RAB36: variants seen among roughly 807,000 people sequenced by gnomAD.
RAB36 encodes RAB36, member RAS oncogene family.
In RAB36, 33 loss-of-function variants were observed where a neutral mutation model predicts 39.3. That is an observed-to-expected ratio of 0.84 (90% CI 0.64 to 1.12). The LOEUF is 1.12. Ranked by LOEUF, RAB36 falls within the 50% of genes most tolerant of loss-of-function variation. The pLI, the probability that RAB36 is intolerant of heterozygous loss-of-function variation, is 0.00. For missense variants in RAB36, 308 were observed against 355.3 expected (o/e 0.87, Z 1.07); for synonymous variants, 133 against 140.2 (o/e 0.95, Z 0.36).
downstream of RAB36, among the ~76,000 whole-genome samples, chr22:23,166,719 T>A (rs956765960): frequency 1.3e-5 from 2 of 151,970 alleles, no homozygotes; most frequent in African/African-American, 4.8e-5. Flanking sequence ...TCACACGATG[T>A]TGTTAACTGG....
chr22:23,164,615 C>G lies in RAB36; in HGVS notation c.*3051C>G, dbSNP rs372751112. Among the ~76,000 whole-genome samples the G allele has an allele frequency of 1.2e-4, 18 of 152,316 alleles. No homozygotes were observed. In the South Asian group the frequency reaches 3.5e-3, roughly 30 times the overall value. On this transcript the variant is annotated 3_prime_UTR_variant, in exon 11 of 11. Coordinates refer to ENST00000263116, the MANE Select transcript of RAB36 (RefSeq NM_004914.5). Reference sequence around the variant, plus strand: ...TAAGTTTCCTGGGCAGAGGCACTTTCTGTTGGTCTGGTCTTGTGGGCCCAG... The same window carrying G: ...TAAGTTTCCTGGGCAGAGGCACTTTGTGTTGGTCTGGTCTTGTGGGCCCAG...
chr22:23,145,523 C>T lies in RAB36; in HGVS notation c.-41C>T, dbSNP rs1315405313. On this transcript the variant is annotated 5_prime_UTR_variant, in exon 1 of 11. Transcript: ENST00000263116. ...GCTGGCTCAGGCGGACCAGGCCGCG[C>T]GGAGCCCCAGCTTTCACAGCCATCG... 5.6e-6 allele frequency: 9 copies of T among 1,603,754 alleles called. No individual in the cohort carries two copies. The Middle Eastern group carries it at 8.6e-4, about 154-fold the overall frequency.
downstream of RAB36, among the ~76,000 whole-genome samples, chr22:23,169,181 C>T (rs2072096980): frequency 6.6e-6 from 1 of 152,240 alleles, no homozygotes; most frequent in South Asian, 2.1e-4. Flanking sequence ...CTGGGACCAG[C>T]AGCTCCACAG....
At chr22:23,147,901 T>C (rs759665775) in intron 2 of RAB36, among the ~76,000 whole-genome samples, 1 of 152,130 alleles carries the variant, frequency 6.6e-6, no homozygotes, top group Non-Finnish European at 1.5e-5. Context: ...CAGTAGAGTG[T>C]GTGCAGCACA....
At chr22:23,159,497 C>T (rs1349181880) in intron 9 of RAB36, among the ~76,000 whole-genome samples, 1 of 152,250 alleles carries the variant, frequency 6.6e-6, no homozygotes, top group Non-Finnish European at 1.5e-5. Context: ...AATAGTGACC[C>T]CAACCCTGTG....
At chr22:23,153,591 C>T (rs558840261) in intron 5 of RAB36, 1 of 985,038 alleles carries the variant, frequency 1.0e-6, no homozygotes, top group South Asian at 4.7e-5. Context: ...AGATGGAGTA[C>T]ACAGCACCCA....
At chr22:23,160,559 ATAG>A (rs1439455347) in intron 9 of RAB36, among the ~76,000 whole-genome samples, 1 of 152,208 alleles carries the variant, frequency 6.6e-6, no homozygotes, top group Non-Finnish European at 1.5e-5. Context: ...CACTTGGGCC[ATAG>A]TAGCATCTGA....
chr22:23,154,055 C>T (rs1434852504), intron 5 of RAB36, among the ~76,000 whole-genome samples: 1 of 151,988 alleles, frequency 6.6e-6, no homozygotes, highest in Non-Finnish European at 1.5e-5. Flanking sequence ...CTGGCCTTAC[C>T]CCTTCCCTCT....
intron 2 of RAB36, among the ~76,000 whole-genome samples, chr22:23,149,627 TC>T (rs2070990459): frequency 6.6e-6 from 1 of 152,230 alleles, no homozygotes; most frequent in South Asian, 2.1e-4. Flanking sequence ...AGCCTCTGTC[TC>T]TTGAGCTGAA....
At chr22:23,160,725 G>C (rs1037339776) in intron 9 of RAB36, among the ~76,000 whole-genome samples, 154 bp from the exon 10 acceptor site, 7 of 152,134 alleles carry the variant, frequency 4.6e-5, no homozygotes, top group African/African-American at 1.7e-4. Context: ...GAGTGGGTGG[G>C]GCTGTGCCCT....
At chr22:23,152,905 C>G (rs12169119) in intron 4 of RAB36, 128 bp from the exon 5 acceptor site, 32 of 710,824 alleles carry the variant, frequency 4.5e-5, no homozygotes, top group African/African-American at 4.4e-4. Flanking sequence ...CACCCATGGC[C>G]TGCGTGGACC....
At chr22:23,149,503 A>G (rs989719323) in intron 2 of RAB36, among the ~76,000 whole-genome samples, 1 of 152,198 alleles carries the variant, frequency 6.6e-6, no homozygotes, top group Non-Finnish European at 1.5e-5. Context: ...AGGCACATGT[A>G]TGCATGTTTT....
rs1221408389 is a variant in RAB36, at chr22:23,153,126, C to T, written c.321C>T (p.Ser107=). 2.5e-6 allele frequency: 4 copies of T among 1,613,506 alleles called. No individual in the cohort carries two copies. The Admixed American group carries it at 6.7e-5, about 27-fold the overall frequency. ...ERFEIAGIPY[S]LQIWDTAGQE... ...TTGAGATTGCTGGGATTCCCTATAG[C>T]CTCCAGATGTAAGTTGCTGGTTCCC... Residue 107 remains serine, a synonymous_variant, in exon 5 of 11, where the codon AGC becomes AGT. Transcript: ENST00000263116.
chr22:23,152,162 C>A (rs1345887071), intron 3 of RAB36, among the ~76,000 whole-genome samples: 2 of 152,238 alleles, frequency 1.3e-5, no homozygotes, highest in Non-Finnish European at 2.9e-5. Flanking sequence ...GGCCTCCTGC[C>A]TCTGCCCCTC....
intron 6 of RAB36, 137 bp from the exon 7 acceptor site, chr22:23,157,855 T>A (rs1327548825): frequency 3.2e-6 from 5 of 1,545,710 alleles, no homozygotes; most frequent in Non-Finnish European, 4.4e-6. Context: ...TCAGCCTTCA[T>A]TGTAGGAGGT....
At chr22:23,152,844 G>A (rs796600705) in intron 4 of RAB36, among the ~76,000 whole-genome samples, 189 bp from the exon 5 acceptor site, 2 of 152,252 alleles carry the variant, frequency 1.3e-5, no homozygotes, top group African/African-American at 2.4e-5. Context: ...CTTGCCTTCC[G>A]AGCTCCTGCA....
At chr22:23,161,131 C>A in intron 10 of RAB36, 133 bp downstream of exon 10, 1 of 1,141,780 alleles carries the variant, frequency 8.8e-7, no homozygotes, top group Non-Finnish European at 1.2e-6. Context: ...ACCCTCCTCT[C>A]AGGGTGTCAC....
chr22:23,156,094 A>G (rs377684015), intron 6 of RAB36, 62 bp downstream of exon 6: 13 of 1,466,692 alleles, frequency 8.9e-6, no homozygotes, highest in Non-Finnish European at 1.2e-5. Context: ...GCCGGGCTCC[A>G]CAGTGGGAAT....
chr22:23,153,464 C>G (rs1219813762), intron 5 of RAB36: 1 of 616,724 alleles, frequency 1.6e-6, no homozygotes, highest in Non-Finnish European at 2.0e-6. Context: ...TGATCCCACT[C>G]ACCAGGCCAG....
Sources: allele counts gnomAD v4.1 joint callset (sites outside exome capture counted in the v4.1 genomes callset), GRCh38; gene constraint gnomAD v4.1.1; transcripts MANE v1.5; gene names NCBI Gene and HGNC (gene_info 2026-07-23, HGNC 2026-07-21).